Variants in GALNTL6 observed in about 807,000 individuals in gnomAD.
GALNTL6 encodes polypeptide N-acetylgalactosaminyltransferase like 6.
In GALNTL6, 46 loss-of-function variants were observed where a neutral mutation model predicts 73.7. The ratio of observed to expected loss-of-function variants is 0.62; its 90% CI spans 0.49 to 0.80. The LOEUF (loss-of-function observed/expected upper bound fraction) is 0.80. Among genes scored for constraint, GALNTL6 ranks in the 30% least tolerant of loss-of-function variants. GALNTL6 has a pLI of 0.00. For synonymous variants in GALNTL6, 259 were observed against 263.7 expected (o/e 0.98, Z 0.17); for missense variants, 604 against 755.0 (o/e 0.80, Z 2.34).
intron 7 of GALNTL6, among the ~76,000 whole-genome samples, chr4:172,880,830 GTTA>G (rs1231004869): frequency 6.6e-6 from 1 of 152,086 alleles, no homozygotes; most frequent in Admixed American, 6.6e-5. Context: ...TTGAATTTAT[GTTA>G]TTATATGTCT....
intron 7 of GALNTL6, among the ~76,000 whole-genome samples, chr4:172,845,009 A>T (rs527670659): frequency 6.6e-6 from 1 of 152,024 alleles, no homozygotes; most frequent in Non-Finnish European, 1.5e-5. Flanking sequence ...AGGTCAAGAG[A>T]TAGAGACCAT....
At chr4:171,929,356 G>C (rs1021668280) in intron 2 of GALNTL6, among the ~76,000 whole-genome samples, 34 of 152,122 alleles carry the variant, frequency 2.2e-4, no homozygotes, top group African/African-American at 8.0e-4. Flanking sequence ...TTAGACGTGA[G>C]CCTCCATTTT....
At chr4:172,710,087 T>G (rs186062713) in intron 5 of GALNTL6, among the ~76,000 whole-genome samples, 1 of 152,288 alleles carries the variant, frequency 6.6e-6, no homozygotes, top group East Asian at 1.9e-4. Context: ...TAAATTACTA[T>G]AATAGATACA....
At chr4:172,387,708 C>A (rs1376274610) in intron 5 of GALNTL6, among the ~76,000 whole-genome samples, 1 of 152,010 alleles carries the variant, frequency 6.6e-6, no homozygotes, top group East Asian at 1.9e-4. Context: ...GTAATTATTT[C>A]TTCAAATCCT....
chr4:173,003,343 C>T (rs961058956), intron 10 of GALNTL6, among the ~76,000 whole-genome samples: 1 of 152,084 alleles, frequency 6.6e-6, no homozygotes, highest in Non-Finnish European at 1.5e-5. Context: ...GTGTAAGACA[C>T]AGTGAAGATT....
intron 5 of GALNTL6, among the ~76,000 whole-genome samples, chr4:172,589,516 C>T (rs1274640051): frequency 1.3e-5 from 2 of 152,134 alleles, no homozygotes; most frequent in African/African-American, 2.4e-5. Flanking sequence ...CATGATGAGG[C>T]TCTGAGAAGT....
intron 5 of GALNTL6, among the ~76,000 whole-genome samples, chr4:172,562,056 A>G (rs910995337): frequency 1.3e-5 from 2 of 152,184 alleles, no homozygotes; most frequent in Admixed American, 1.3e-4. Context: ...TTTTTTATTC[A>G]TAGGGTGGGT....
chr4:172,327,252 G>A (rs1740974403), intron 4 of GALNTL6, among the ~76,000 whole-genome samples: 1 of 152,062 alleles, frequency 6.6e-6, no homozygotes, highest in Non-Finnish European at 1.5e-5. Flanking sequence ...TTGTGCTGTG[G>A]TCCAAGAGTG....
intron 5 of GALNTL6, among the ~76,000 whole-genome samples, chr4:172,630,419 A>G (rs1739343261): frequency 6.6e-6 from 1 of 152,086 alleles, no homozygotes; most frequent in African/African-American, 2.4e-5. Flanking sequence ...TTTTCCTACT[A>G]GAAATCGTAA....
intron 2 of GALNTL6, among the ~76,000 whole-genome samples, chr4:172,220,255 G>C (rs1181426084): frequency 4.0e-5 from 6 of 151,650 alleles, no homozygotes; most frequent in Non-Finnish European, 8.9e-5. Context: ...TACCTAAACA[G>C]TGCCAGACAC....
intron 10 of GALNTL6, among the ~76,000 whole-genome samples, chr4:172,996,162 T>TCACA (rs1403602479): frequency 1.4e-5 from 2 of 144,520 alleles, no homozygotes; most frequent in African/African-American, 5.2e-5. Flanking sequence ...AAAGAAAATG[T>TCACA]GACACACACA....
chr4:172,945,889 C>T (rs779920978), intron 9 of GALNTL6, among the ~76,000 whole-genome samples: 7 of 152,042 alleles, frequency 4.6e-5, no homozygotes, highest in Non-Finnish European at 8.8e-5. Context: ...TGAGCTGTAC[C>T]CATGATGACA....
At chr4:172,625,465 G>A (rs1281431955) in intron 5 of GALNTL6, among the ~76,000 whole-genome samples, 1 of 151,968 alleles carries the variant, frequency 6.6e-6, no homozygotes, top group African/African-American at 2.4e-5. Context: ...TTGCTATTGT[G>A]AATAGCATCA....
intron 5 of GALNTL6, among the ~76,000 whole-genome samples, chr4:172,377,889 C>G (rs540909144): frequency 1.3e-5 from 2 of 151,830 alleles, no homozygotes; most frequent in Non-Finnish European, 2.9e-5. Context: ...GAGCGCTGCA[C>G]GCAGCACCAG....
At chr4:172,552,880 G>T (rs1023497785) in intron 5 of GALNTL6, among the ~76,000 whole-genome samples, 1 of 124,604 alleles carries the variant, frequency 8.0e-6, no homozygotes. Context: ...AATTACTTTT[G>T]CACCAACCTA....
At chr4:172,206,721 T>C (rs866412172) in intron 2 of GALNTL6, among the ~76,000 whole-genome samples, 1 of 151,272 alleles carries the variant, frequency 6.6e-6, no homozygotes, top group Non-Finnish European at 1.5e-5. Flanking sequence ...GCAAAGTCCC[T>C]GAGTCTGGGA....
intron 2 of GALNTL6, among the ~76,000 whole-genome samples, chr4:171,947,821 GC>G (rs779576079): frequency 6.6e-6 from 1 of 152,130 alleles, no homozygotes; most frequent in Non-Finnish European, 1.5e-5. Context: ...ACGCACCAGA[GC>G]CCTATCAACT....
At chr4:172,905,764 A>G in intron 8 of GALNTL6, among the ~76,000 whole-genome samples, 1 of 142,800 alleles carries the variant, frequency 7.0e-6, no homozygotes, top group East Asian at 2.2e-4. Flanking sequence ...ATTACAATAT[A>G]TTTAGAGTTT....
rs1289281000 is a variant in GALNTL6, at chr4:172,071,115, T to C, written c.139-158541T>C. Among the ~76,000 whole-genome samples, 4 of 108,356 alleles carry C rather than the reference T, an allele frequency of 3.7e-5. 1 individual carries two copies. Among genetic ancestry groups the C allele is most frequent in the Non-Finnish European group, 8.2e-5 (4 of 49,034 alleles). 71.1% of individuals were successfully genotyped at this position (108,356 alleles called of 152,430 possible). On this transcript the variant is annotated intron_variant, in intron 2 of 12. Coordinates refer to ENST00000506823, the MANE Select transcript of GALNTL6 (RefSeq NM_001034845.3). Reference sequence around the variant, plus strand: ...ACTAATGAAGGTGAAAATTGTACTATAGTAAAAAAAAAGATCCAAATGCAA... The same window carrying C: ...ACTAATGAAGGTGAAAATTGTACTACAGTAAAAAAAAAGATCCAAATGCAA...
Sources: gnomAD v4.1 joint callset for allele counts (sites outside exome capture counted in the v4.1 genomes callset) on GRCh38, gnomAD v4.1.1 for gene constraint, MANE v1.5 for transcripts, NCBI Gene and HGNC (gene_info 2026-07-23, HGNC 2026-07-21) for gene names.